Variants in ASIC2 observed in about 807,000 individuals in gnomAD.
ASIC2 encodes the protein acid-sensing ion channel 2.
In ASIC2, 25 loss-of-function variants were observed where a neutral mutation model predicts 57.3. The observed-to-expected ratio is 0.44, with a 90% CI of 0.32 to 0.61. The LOEUF (loss-of-function observed/expected upper bound fraction) is 0.61. ASIC2 is among the 20% of genes least tolerant of loss of function. The pLI, the probability that ASIC2 is intolerant of heterozygous loss-of-function variation, is 0.06. For missense variants in ASIC2, 641 were observed against 738.1 expected (o/e 0.87, Z 1.52); for synonymous variants, 319 against 307.5 (o/e 1.04, Z -0.39).
At chr17:33,188,004 C>T (rs534074877) in intron 1 of ASIC2, among the ~76,000 whole-genome samples, 51 of 151,246 alleles carry the variant, frequency 3.4e-4, no homozygotes, top group African/African-American at 5.8e-4. Context: ...AAATAGACAT[C>T]GAAATGACAC....
chr17:33,027,690 C>A (rs753076148), intron 4 of ASIC2, among the ~76,000 whole-genome samples: 1 of 152,232 alleles, frequency 6.6e-6, no homozygotes, highest in Non-Finnish European at 1.5e-5. Context: ...TGCAACACTG[C>A]GCTCTTCCTC....
chr17:33,046,460 G>C (rs775198884), intron 3 of ASIC2, among the ~76,000 whole-genome samples: 5 of 152,290 alleles, frequency 3.3e-5, no homozygotes, highest in East Asian at 3.9e-4. Context: ...GGAAATGAAG[G>C]AGTGTCTCTT....
At chr17:33,352,815 G>A (rs555303230) in intron 1 of ASIC2, among the ~76,000 whole-genome samples, 1 of 152,120 alleles carries the variant, frequency 6.6e-6, no homozygotes, top group East Asian at 1.9e-4. Context: ...GTTTCTCTTC[G>A]GCTGTTAGAG....
intron 1 of ASIC2, among the ~76,000 whole-genome samples, chr17:34,111,945 T>G (rs1400463129): frequency 6.6e-6 from 1 of 152,168 alleles, no homozygotes; most frequent in Non-Finnish European, 1.5e-5. Flanking sequence ...GATAATAGAA[T>G]ACAAAATTAT....
intron 1 of ASIC2, among the ~76,000 whole-genome samples, chr17:33,314,677 A>C (rs1186706108): frequency 6.6e-6 from 1 of 152,256 alleles, no homozygotes; most frequent in African/African-American, 2.4e-5. Flanking sequence ...GGTTTAAAAA[A>C]ATATATTTTT....
At chr17:33,726,165 G>C (rs1308192142) in intron 1 of ASIC2, among the ~76,000 whole-genome samples, 1 of 152,086 alleles carries the variant, frequency 6.6e-6, no homozygotes, top group Non-Finnish European at 1.5e-5. Flanking sequence ...TCAGAAAACT[G>C]CCAAAGCTTC....
intron 1 of ASIC2, among the ~76,000 whole-genome samples, chr17:33,525,905 C>G (rs953238978): frequency 4.6e-5 from 7 of 152,196 alleles, no homozygotes; most frequent in Non-Finnish European, 8.8e-5. Flanking sequence ...GCTATTACAG[C>G]ATTTACTGCC....
At chr17:33,318,125 G>T (rs938994486) in intron 1 of ASIC2, among the ~76,000 whole-genome samples, 4 of 152,082 alleles carry the variant, frequency 2.6e-5, no homozygotes, top group African/African-American at 9.7e-5. Context: ...GCGACATTGC[G>T]GGGTGGGTGG....
intron 1 of ASIC2, among the ~76,000 whole-genome samples, chr17:33,812,438 A>C (rs1357672704): frequency 1.3e-5 from 2 of 152,118 alleles, no homozygotes; most frequent in Admixed American, 6.5e-5. Flanking sequence ...ATTGGAGAGG[A>C]GAGCAAGACA....
upstream of ASIC2, among the ~76,000 whole-genome samples, chr17:33,295,163 T>G (rs1028261130): frequency 1.3e-4 from 20 of 150,914 alleles, no homozygotes; most frequent in Middle Eastern, 3.2e-3. Flanking sequence ...TTCCTAGCTA[T>G]TTCCCCCTTG....
Position 34,099,146 on chromosome 17 carries a change from C to CAGAG in ASIC2, c.555+56828_555+56831dup, listed in dbSNP as rs1280398043. On this transcript the variant is annotated intron_variant, in intron 1 of 9. Coordinates refer to the ASIC2 transcript ENST00000359872. ...AGAGAGAGAGAGAGAGAGAGAGAGACAGAGAGAGAGAGAGAGAGAAAGAAA... is the reference window on the plus strand; with the variant it reads ...AGAGAGAGAGAGAGAGAGAGAGAGACAGAGAGAGAGAGAGAGAGAGAGAAAGAAA... Among the ~76,000 whole-genome samples the CAGAG allele has an allele frequency of 1.6e-4, 3 of 19,058 alleles. No homozygotes were observed. In the East Asian group the frequency reaches 4.6e-3, roughly 29 times the overall value. The allele number at this position is 19,058 out of a possible 152,430, so 12.5% of individuals were successfully genotyped here.
chr17:33,517,518 T>G (rs1451890489), intron 1 of ASIC2, among the ~76,000 whole-genome samples: 1 of 152,084 alleles, frequency 6.6e-6, no homozygotes, highest in Non-Finnish European at 1.5e-5. Context: ...CTAGCCGAGG[T>G]CTCTTGTGAG....
At chr17:33,468,994 G>C (rs544337684) in intron 1 of ASIC2, among the ~76,000 whole-genome samples, 1 of 152,332 alleles carries the variant, frequency 6.6e-6, no homozygotes, top group South Asian at 2.1e-4. Flanking sequence ...GTAGTTTACG[G>C]AAAGAGCCTG....
chr17:33,433,134 A>T (rs912511818), intron 1 of ASIC2, among the ~76,000 whole-genome samples: 2 of 152,232 alleles, frequency 1.3e-5, no homozygotes, highest in Non-Finnish European at 2.9e-5. Flanking sequence ...ACCATAGCAA[A>T]TACATGGAAT....
chr17:33,455,780 G>A (rs118181428), intron 1 of ASIC2, among the ~76,000 whole-genome samples: 1 of 152,224 alleles, frequency 6.6e-6, no homozygotes, highest in Non-Finnish European at 1.5e-5. Flanking sequence ...GCCCCAGATA[G>A]CCGGGAATAT....
chr17:33,544,640 C>A (rs1033474120), intron 1 of ASIC2, among the ~76,000 whole-genome samples: 1 of 152,078 alleles, frequency 6.6e-6, no homozygotes, highest in Non-Finnish European at 1.5e-5. Flanking sequence ...TTTTAAGATG[C>A]GCCATTATTT....
chr17:33,715,098 C>T (rs933227810), intron 1 of ASIC2, among the ~76,000 whole-genome samples: 1 of 151,906 alleles, frequency 6.6e-6, no homozygotes, highest in African/African-American at 2.4e-5. Context: ...GTCCTCGGCT[C>T]AAGTGATCCT....
chr17:34,036,323 G>A (rs1377618166), intron 1 of ASIC2, among the ~76,000 whole-genome samples: 1 of 140,186 alleles, frequency 7.1e-6, no homozygotes, highest in Non-Finnish European at 1.5e-5. Flanking sequence ...ATTGAACAAT[G>A]AGAACACATG....
intron 1 of ASIC2, among the ~76,000 whole-genome samples, chr17:34,085,298 T>C (rs888373109): frequency 1.7e-4 from 26 of 152,360 alleles, no homozygotes; most frequent in Non-Finnish European, 3.8e-4. Context: ...GAGATAATCA[T>C]GTGGTTTTTG....
Sources: gnomAD v4.1 joint callset for allele counts (sites outside exome capture counted in the v4.1 genomes callset) on GRCh38, gnomAD v4.1.1 for gene constraint, MANE v1.5 for transcripts, NCBI Gene and HGNC (gene_info 2026-07-23, HGNC 2026-07-21) for gene names.